Variants in PCSK2 observed in about 807,000 individuals in gnomAD.
The protein encoded by PCSK2 is neuroendocrine convertase 2.
In PCSK2, 14 loss-of-function variants were observed where a neutral mutation model predicts 69.7. That is an observed-to-expected ratio of 0.20 (90% CI 0.13 to 0.31). PCSK2 has a LOEUF of 0.31. PCSK2 is among the 10% of genes least tolerant of loss of function. PCSK2 has a pLI of 1.00. For synonymous variants in PCSK2, 307 were observed against 320.7 expected, an observed-to-expected ratio of 0.96 and a Z score of 0.46; for missense variants, 544 against 842.5, an observed-to-expected ratio of 0.65 and a Z score of 4.39.
intron 2 of PCSK2, among the ~76,000 whole-genome samples, chr20:17,271,496 G>T (rs1987864728): frequency 6.6e-6 from 1 of 151,978 alleles, no homozygotes; most frequent in Non-Finnish European, 1.5e-5. Context: ...GCCTACACAG[G>T]CCATGCAAAT....
At chr20:17,447,058 G>C (rs1338832073) in intron 8 of PCSK2, among the ~76,000 whole-genome samples, 1 of 151,568 alleles carries the variant, frequency 6.6e-6, no homozygotes, top group African/African-American at 2.4e-5. Context: ...TTTGGGACCA[G>C]CCTGGCCAAC....
rs375067406 is a variant in PCSK2, at chr20:17,482,875, C to T, written c.*805C>T. The T allele has an allele frequency of 1.4e-4, 22 of 152,364 alleles. No individual in the cohort carries two copies. The highest frequency in any genetic ancestry group is 5.3e-4 in the African/African-American group (22 of 41,542). The allele number at this position is 152,364 out of a possible 1,614,324, so 9.4% of individuals were successfully genotyped here. ...TCCCAGCCCCAATTTTCTGGGGCTCCTCACATAGCTACCCAAAAGAGAAAA... is the reference window on the plus strand; with the variant it reads ...TCCCAGCCCCAATTTTCTGGGGCTCTTCACATAGCTACCCAAAAGAGAAAA... On this transcript the variant is annotated 3_prime_UTR_variant, in exon 12 of 12. Transcript: ENST00000262545.
chr20:17,465,523 A>G lies in PCSK2; in HGVS notation c.1400A>G (p.His467Arg). The G allele has an allele frequency of 6.2e-7, 1 of 1,608,436 alleles. No individual in the cohort carries two copies. The stretch of plus-strand genomic sequence containing the variant: ...TGGAAAACCGTGCCTGAGAGATTCC[A>G]CTGTGTGGGAGGCTCCGTGCAGGAC... ...KDWKTVPERF[H>R]CVGGSVQDPE... The change falls in exon 11 of 12, where the codon CAC becomes CGC. Residue 467 changes from histidine (H) to arginine (R), a missense_variant. This residue lies in a region of PCSK2 where 200 missense variants were observed against 287.8 expected (regional missense o/e 0.69). Coordinates refer to ENST00000262545, the MANE Select transcript of PCSK2 (RefSeq NM_002594.5).
chr20:17,373,269 C>T (rs942802723), intron 5 of PCSK2, among the ~76,000 whole-genome samples: 2 of 152,218 alleles, frequency 1.3e-5, no homozygotes, highest in African/African-American at 2.4e-5. Flanking sequence ...GGCACTGAGG[C>T]TTAATCTCAC....
chr20:17,453,746 G>A lies in PCSK2; in HGVS notation c.890G>A (p.Arg297His). ...QAMADGVNKG[R>H]GGKGSIYVWA... The stretch of plus-strand genomic sequence containing the variant: ...CGTCTCCCCTGCTCTCCCCAGGGCC[G>A]CGGCGGCAAAGGCAGCATCTACGTG... Residue 297 changes from arginine to histidine, a missense_variant, in exon 9 of 12, where the codon CGC (arginine) becomes CAC (histidine). Arg to His is a conservative substitution (Grantham distance 29). This residue lies in a region of PCSK2 where 187 missense variants were observed against 399.8 expected (regional missense o/e 0.47). Transcript: ENST00000262545. The surrounding 1 kb of genome is among the most constrained non-coding windows in gnomAD (Gnocchi z 4.0). 6.2e-7 allele frequency: 1 copy of A among 1,612,990 alleles called. No homozygotes were observed. The highest frequency in any genetic ancestry group is 8.5e-7 in the Non-Finnish European group (1 of 1,179,864).
At chr20:17,306,408 G>T (rs942737808) in intron 2 of PCSK2, among the ~76,000 whole-genome samples, 6 of 152,224 alleles carry the variant, frequency 3.9e-5, no homozygotes, top group Middle Eastern at 3.4e-3. Context: ...TCCCAAAGAG[G>T]ATTGTTTGAA....
Position 17,429,506 on chromosome 20 carries a change from A to G in PCSK2, c.692A>G (p.Tyr231Cys). The change falls in exon 7 of 12, where the codon TAC becomes TGC. Residue 231 changes from tyrosine (Y) to cysteine (C), a missense_variant. Tyr to Cys is a radical substitution (Grantham distance 194). Transcript: ENST00000262545. ...NNNICGVGVA[Y>C]NSKVAGIRML... Reference sequence around the variant, plus strand: ...AATATCTGTGGAGTTGGAGTAGCATACAACTCCAAGGTTGCAGGTAAGCCA... The same window carrying G: ...AATATCTGTGGAGTTGGAGTAGCATGCAACTCCAAGGTTGCAGGTAAGCCA... 1 of 1,611,344 alleles carries G rather than the reference A, an allele frequency of 6.2e-7. No individual in the cohort carries two copies. The highest frequency in any genetic ancestry group is 8.5e-7 in the Non-Finnish European group (1 of 1,177,604).
At chr20:17,316,804 G>T (rs370169568) in intron 2 of PCSK2, among the ~76,000 whole-genome samples, 1 of 152,252 alleles carries the variant, frequency 6.6e-6, no homozygotes, top group African/African-American at 2.4e-5. Context: ...GATTATAAGA[G>T]TTGAATGCAC....
intron 6 of PCSK2, among the ~76,000 whole-genome samples, chr20:17,423,990 C>T (rs1419171622): frequency 2.0e-5 from 3 of 152,178 alleles, no homozygotes; most frequent in South Asian, 4.1e-4. Flanking sequence ...CAGGATTGCT[C>T]ACACCTTGAA....
chr20:17,271,998 A>G (rs892230592), intron 2 of PCSK2, among the ~76,000 whole-genome samples: 4 of 152,138 alleles, frequency 2.6e-5, no homozygotes, highest in African/African-American at 9.6e-5. Flanking sequence ...AGGGAATTCC[A>G]AAGCTACTTC....
chr20:17,420,726 GA>G (rs2032106122), intron 6 of PCSK2, among the ~76,000 whole-genome samples: 1 of 152,178 alleles, frequency 6.6e-6, no homozygotes, highest in Non-Finnish European at 1.5e-5. Context: ...TTAAGAGAGA[GA>G]AATACAGCAC....
chr20:17,387,280 T>C (rs1207569989), intron 5 of PCSK2, among the ~76,000 whole-genome samples: 4 of 152,230 alleles, frequency 2.6e-5, no homozygotes. Context: ...TATTGCTGCA[T>C]CTCAGATTAC....
intron 8 of PCSK2, among the ~76,000 whole-genome samples, chr20:17,441,082 A>G (rs2032586624): frequency 6.6e-6 from 1 of 152,066 alleles, no homozygotes; most frequent in Admixed American, 6.5e-5. Context: ...CCGGCTCTCC[A>G]ACTCACCCTT....
At chr20:17,472,068 T>C (rs2033211545) in intron 11 of PCSK2, among the ~76,000 whole-genome samples, 2 of 152,106 alleles carry the variant, frequency 1.3e-5, no homozygotes, top group African/African-American at 4.8e-5. Flanking sequence ...AAGGGGAAAA[T>C]ACACCTGGCT....
intron 8 of PCSK2, 78 bp downstream of exon 8, chr20:17,436,961 G>A (rs2032496406): frequency 5.6e-6 from 7 of 1,254,648 alleles, no homozygotes; most frequent in South Asian, 1.5e-5. Context: ...GCAACTGGGT[G>A]AACCACTGTC....
intron 1 of PCSK2, among the ~76,000 whole-genome samples, chr20:17,229,411 C>T (rs1986062601): frequency 6.7e-6 from 1 of 148,720 alleles, no homozygotes; most frequent in Non-Finnish European, 1.5e-5. Flanking sequence ...GCTCCCTCCC[C>T]CTCCCCCACA....
chr20:17,368,251 A>G (rs978095361), intron 4 of PCSK2, among the ~76,000 whole-genome samples: 5 of 152,150 alleles, frequency 3.3e-5, no homozygotes, highest in Admixed American at 1.3e-4. Context: ...TATTAAATGC[A>G]CCAGCTGCTG....
At chr20:17,472,830 G>C (rs2033226315) in intron 11 of PCSK2, among the ~76,000 whole-genome samples, 1 of 152,164 alleles carries the variant, frequency 6.6e-6, no homozygotes, top group Admixed American at 6.5e-5. Flanking sequence ...GCCTCCCAAA[G>C]TGTTGGGATT....
In PCSK2 at chr20:17,436,895, G is replaced by A. The variant is rs371803984; in HGVS notation, c.885+12G>A. ...ATGGCGTGAACAAGGTAAGGGGGCC[G>A]GCCCCCTAGGCCCCGGCCACTCACA... On this transcript the variant is annotated intron_variant, in intron 8 of 11. Transcript: ENST00000262545. 62 of 1,581,486 alleles carry A rather than the reference G, an allele frequency of 3.9e-5. No homozygotes were observed. The highest frequency in any genetic ancestry group is 1.7e-4 in the Middle Eastern group (1 of 5,774).
Sources: gnomAD v4.1 joint callset for allele counts (sites outside exome capture counted in the v4.1 genomes callset) on GRCh38, gnomAD v4.1.1 for gene constraint, gnomAD v4.1.1 regional missense constraint, Gnocchi (gnomAD v3.1) non-coding constraint, MANE v1.5 for transcripts, NCBI Gene and HGNC (gene_info 2026-07-23, HGNC 2026-07-21) for gene names.